The following PIEZO1 variants were observed in gnomAD, a reference collection of about 807,000 sequenced individuals.
PIEZO1 encodes the protein piezo type mechanosensitive ion channel component 1 (Er blood group), also known as piezo-type mechanosensitive ion channel component 1.
In PIEZO1, 296 loss-of-function variants were observed where a neutral mutation model predicts 297.2. The ratio of observed to expected loss-of-function variants is 1.00; its 90% CI spans 0.91 to 1.10. PIEZO1 has a LOEUF of 1.10. PIEZO1 is among the 50% of genes least tolerant of loss of function. The pLI is 0.00. For synonymous variants in PIEZO1, 2,427 were observed against 1,507.5 expected (o/e 1.61, Z -14.13); for missense variants, 5,018 against 3,455.5 (o/e 1.45, Z -11.34).
chr16:88,743,184 G>T, intron 2 of PIEZO1: 1 of 456,122 alleles, frequency 2.2e-6, no homozygotes, highest in Non-Finnish European at 4.4e-6. Context: ...TTCGGCTGCA[G>T]GGCAGGGGCT....
chr16:88,751,970 T>A (rs1346413910), intron 1 of PIEZO1, among the ~76,000 whole-genome samples: 1 of 152,178 alleles, frequency 6.6e-6, no homozygotes, highest in Non-Finnish European at 1.5e-5. Context: ...CACCTTAGTG[T>A]GGTGTGGACA....
rs765206082 is a variant in PIEZO1 at position 88,736,724 on chromosome 16, G to A, written c.1211C>T (p.Ala404Val). 10 of 1,529,988 alleles carry A rather than the reference G, an allele frequency of 6.5e-6. No homozygotes were observed. The highest frequency in any genetic ancestry group is 2.0e-5 in the Admixed American group (1 of 50,446). 94.8% of individuals were successfully genotyped at this position (1,529,988 alleles called of 1,614,324 possible). ...VLRRPVRPKR[A>V]EPREASPLHS... The stretch of plus-strand genomic sequence containing the variant: ...GAGCGGAGACGCCTCCCTGGGCTCA[G>A]CCCGCTTGGGCCGCACTGCAGGTGG... Residue 404 changes from alanine (A) to valine (V), a missense_variant, in exon 11 of 51, where the codon GCT becomes GTT. Coordinates refer to ENST00000301015, the MANE Select transcript of PIEZO1 (RefSeq NM_001142864.4).
chr16:88,743,287 G>A (rs1235591371), intron 2 of PIEZO1: 1 of 456,340 alleles, frequency 2.2e-6, no homozygotes, highest in Non-Finnish European at 4.4e-6. Context: ...TTCAGCAGGG[G>A]TCCGGACCAA....
At chr16:88,758,857 A>T (rs533225348) in intron 1 of PIEZO1, among the ~76,000 whole-genome samples, 52 of 152,346 alleles carry the variant, frequency 3.4e-4, no homozygotes, top group African/African-American at 1.2e-3. Context: ...GAGAGCAAAC[A>T]TGCACCAATC....
At chr16:88,743,881 G>A (rs1905864263) in intron 2 of PIEZO1, 1 of 314,354 alleles carries the variant, frequency 3.2e-6, no homozygotes, top group Non-Finnish European at 6.4e-6. Flanking sequence ...TGGGAGGGGT[G>A]AGCAGCAGGG....
intron 2 of PIEZO1, chr16:88,744,229 G>A (rs1317085716): frequency 6.5e-6 from 1 of 154,650 alleles, no homozygotes; most frequent in Non-Finnish European, 1.4e-5. Flanking sequence ...ACCTGCCTGG[G>A]AACCTGGGCT....
Position 88,723,091 on chromosome 16 carries a change from G to GTACCTGCCGC in PIEZO1, c.4489_4495+3dup. The GTACCTGCCGC allele has an allele frequency of 6.5e-7, 1 of 1,547,392 alleles. No individual in the cohort carries two copies. The highest frequency in any genetic ancestry group is 8.7e-7 in the Non-Finnish European group (1 of 1,146,578). On this transcript the variant is annotated splice_donor_region_variant and intron_variant, in intron 33 of 50. Transcript: ENST00000301015. Reference sequence around the variant, plus strand: ...TCCCACTCCCCAGCCCCGGGCCCACGTACCTGCCGCTGCCTCCTCGGGGCC... The same window carrying GTACCTGCCGC: ...TCCCACTCCCCAGCCCCGGGCCCACGTACCTGCCGCTACCTGCCGCTGCCTCCTCGGGGCC...
In PIEZO1 at chr16:88,727,545, G is replaced by A. The variant is rs1310321742; in HGVS notation, c.3301+12C>T. 5.2e-6 allele frequency: 6 copies of A among 1,153,196 alleles called. No individual in the cohort carries two copies. The South Asian group carries it at 8.6e-5, about 17-fold the overall frequency. 71.4% of individuals were successfully genotyped at this position (1,153,196 alleles called of 1,614,324 possible). A position where few individuals can be genotyped will look rare whatever the true frequency, so the allele number is the denominator to read the frequency against. On this transcript the variant is annotated intron_variant, in intron 23 of 50. Transcript: ENST00000301015. ...GTCCTCTGCAGAGGCGGGGGTGGTG[G>A]GGGGCACTCACTGATGAGGTTGGTG...
At chr16:88,748,878 A>G (rs1236433586) in intron 2 of PIEZO1, among the ~76,000 whole-genome samples, 1 of 141,378 alleles carries the variant, frequency 7.1e-6, no homozygotes, top group Non-Finnish European at 1.5e-5. Context: ...GGTTGCAGTG[A>G]GCCAAGATTG....
At chr16:88,743,571 G>C (rs1238970971) in intron 2 of PIEZO1, 2 of 456,574 alleles carry the variant, frequency 4.4e-6, no homozygotes, top group South Asian at 3.1e-5. Context: ...CAAACTCAGG[G>C]CCTGTGTCCA....
chr16:88,783,436 GA>G (rs1446387270), intron 1 of PIEZO1, among the ~76,000 whole-genome samples: 5 of 152,254 alleles, frequency 3.3e-5, no homozygotes, highest in South Asian at 2.1e-4. Context: ...TGCCATCTGA[GA>G]GGGGGGGCAT....
At chr16:88,757,035 C>T (rs1906697059) in intron 1 of PIEZO1, among the ~76,000 whole-genome samples, 1 of 152,142 alleles carries the variant, frequency 6.6e-6, no homozygotes, top group African/African-American at 2.4e-5. Flanking sequence ...GAGATCAGGA[C>T]ACTGCACTCC....
At chr16:88,730,546 C>T (rs866346935) in intron 22 of PIEZO1, among the ~76,000 whole-genome samples, 1 of 144,180 alleles carries the variant, frequency 6.9e-6, no homozygotes, top group Non-Finnish European at 1.5e-5. Context: ...TGCAGTGAGC[C>T]GAGATTGTGC....
In PIEZO1 at chr16:88,725,319, C is replaced by G. The variant is rs1904344240; in HGVS notation, c.4162+97G>C. On this transcript the variant is annotated intron_variant, in intron 29 of 50. Transcript: ENST00000301015. ...CGGACAGGACAGGCGGGCTGGGAGCCCTGTGGGACGTCACATGGGCACAGA... is the reference window on the plus strand; with the variant it reads ...CGGACAGGACAGGCGGGCTGGGAGCGCTGTGGGACGTCACATGGGCACAGA... 12 of 815,514 alleles carry G rather than the reference C, an allele frequency of 1.5e-5. No homozygotes were observed. In the South Asian group the frequency reaches 1.9e-4, roughly 13 times the overall value. 50.5% of individuals were successfully genotyped at this position (815,514 alleles called of 1,614,324 possible).
chr16:88,773,951 C>T (rs1907542646), intron 1 of PIEZO1, among the ~76,000 whole-genome samples: 1 of 152,178 alleles, frequency 6.6e-6, no homozygotes, highest in Non-Finnish European at 1.5e-5. Flanking sequence ...GCAGGTCCCC[C>T]GAGTCCCTTC....
Position 88,719,712 on chromosome 16 carries a change from C to T in PIEZO1, c.6333G>A (p.Leu2111=), listed in dbSNP as rs897031749. 3 of 1,551,270 alleles carry T rather than the reference C, an allele frequency of 1.9e-6. No homozygotes were observed. The highest frequency in any genetic ancestry group is 1.4e-5 in the African/African-American group (1 of 73,190). Residue 2111 remains leucine, a synonymous_variant, in exon 44 of 51, where the codon CTG becomes CTA. Transcript: ENST00000301015. ...LNLFLFQGFR[L]VPFLVELRAV... is the part of the protein sequence containing the mutation. Reference sequence around the variant, plus strand: ...CCCGCAGCTCCACCAGGAACGGCACCAGCCGGAACCTGCCCACAGCCAGGG... The same window carrying T: ...CCCGCAGCTCCACCAGGAACGGCACTAGCCGGAACCTGCCCACAGCCAGGG...
At chr16:88,733,491 G>T in intron 18 of PIEZO1, 37 bp from the exon 19 acceptor site, 1 of 1,536,484 alleles carries the variant, frequency 6.5e-7, no homozygotes, top group African/African-American at 1.4e-5. Flanking sequence ...GGCTTGGGGA[G>T]GGCAGTGGGC....
rs573228666 is a variant in PIEZO1 at position 88,718,933 on chromosome 16, C to T, written c.6471+641G>A. The T allele has an allele frequency of 3.2e-5, 5 of 154,528 alleles. No homozygotes were observed. In the East Asian group the frequency reaches 9.6e-4, roughly 30 times the overall value. 9.6% of individuals were successfully genotyped at this position (154,528 alleles called of 1,614,324 possible). A position where few individuals can be genotyped will look rare whatever the true frequency, so the allele number is the denominator to read the frequency against. ...TATGTTGCCCAGGCTGGTCTTAAAA[C>T]TCCTGGCCTCAACTGATCCTCCTCC... On this transcript the variant is annotated intron_variant, in intron 44 of 50. Coordinates refer to ENST00000301015, the MANE Select transcript of PIEZO1 (RefSeq NM_001142864.4).
chr16:88,776,321 C>A (rs1390483994), intron 1 of PIEZO1, among the ~76,000 whole-genome samples: 1 of 152,106 alleles, frequency 6.6e-6, no homozygotes, highest in African/African-American at 2.4e-5. Context: ...GTAGTCCCAG[C>A]TACTCGGGAG....
Sources: allele counts gnomAD v4.1 joint callset (sites outside exome capture counted in the v4.1 genomes callset), GRCh38; gene constraint gnomAD v4.1.1; transcripts MANE v1.5; gene names NCBI Gene and HGNC (gene_info 2026-07-23, HGNC 2026-07-21).